Variants in EFR3A observed in about 807,000 individuals in gnomAD.
The protein encoded by EFR3A is EFR3 homolog A.
In EFR3A, 76 loss-of-function variants were observed where a neutral mutation model predicts 104.4. The ratio of observed to expected loss-of-function variants is 0.73; its 90% CI spans 0.60 to 0.88. EFR3A has a LOEUF of 0.88. Among genes scored for constraint, EFR3A ranks in the 40% least tolerant of loss-of-function variants. The pLI, the probability that EFR3A is intolerant of heterozygous loss-of-function variation, is 0.00. For synonymous variants in EFR3A, 330 were observed against 330.0 expected, an observed-to-expected ratio of 1.00 and a Z score of 0.00; for missense variants, 985 against 1,012.5, an observed-to-expected ratio of 0.97 and a Z score of 0.37.
At chr8:131,930,592 A>G (rs533314446) in intron 1 of EFR3A, among the ~76,000 whole-genome samples, 1 of 152,148 alleles carries the variant, frequency 6.6e-6, no homozygotes, top group African/African-American at 2.4e-5. Flanking sequence ...TTTAAAGACC[A>G]TTTAGTCATG....
At chr8:131,934,799 A>G (rs1312433354) in intron 1 of EFR3A, among the ~76,000 whole-genome samples, 2 of 152,138 alleles carry the variant, frequency 1.3e-5, no homozygotes, top group East Asian at 3.9e-4. Flanking sequence ...TATTACATAT[A>G]TGTGTATATA....
chr8:131,991,486 G>A (rs568635578), intron 18 of EFR3A, among the ~76,000 whole-genome samples: 21 of 152,268 alleles, frequency 1.4e-4, no homozygotes, highest in African/African-American at 5.1e-4. Context: ...GCTGGTTTTG[G>A]AGATAAACCT....
intron 1 of EFR3A, among the ~76,000 whole-genome samples, chr8:131,931,520 A>G (rs568608288): frequency 6.6e-6 from 1 of 152,222 alleles, no homozygotes; most frequent in African/African-American, 2.4e-5. Context: ...AAAGAACTAT[A>G]TATTTTGTTT....
At chr8:131,923,616 T>G (rs775877347) in intron 1 of EFR3A, among the ~76,000 whole-genome samples, 2 of 152,038 alleles carry the variant, frequency 1.3e-5, no homozygotes, top group Non-Finnish European at 2.9e-5. Context: ...TCATCTCATT[T>G]TAGTATAAAG....
intron 18 of EFR3A, among the ~76,000 whole-genome samples, chr8:131,991,388 T>C (rs888709157): frequency 5.3e-5 from 8 of 151,452 alleles, no homozygotes; most frequent in African/African-American, 2.0e-4. Context: ...GAAGTACATA[T>C]TTCAGCTGAA....
chr8:131,976,491 T>A (rs925440421), intron 11 of EFR3A, among the ~76,000 whole-genome samples: 1 of 152,136 alleles, frequency 6.6e-6, no homozygotes, highest in African/African-American at 2.4e-5. Context: ...TCCTAGAATT[T>A]TAGAACTGAA....
rs2130575312 is a variant in EFR3A at position 131,944,735 on chromosome 8, T to C, written c.88-10T>C. 6.4e-7 allele frequency: 1 copy of C among 1,568,200 alleles called. No homozygotes were observed. The highest frequency in any genetic ancestry group is 1.4e-5 in the African/African-American group (1 of 73,022). On this transcript the variant is annotated splice_polypyrimidine_tract_variant and intron_variant, in intron 2 of 22. Transcript: ENST00000254624. ...TATAGATAATCTATTTATCTTGTTA[T>C]TGTTTTTAGGATGGCCTTGTGAAAA...
At chr8:131,988,742 T>A (rs1260699323) in intron 18 of EFR3A, among the ~76,000 whole-genome samples, 1 of 152,132 alleles carries the variant, frequency 6.6e-6, no homozygotes, top group Non-Finnish European at 1.5e-5. Flanking sequence ...AGCACAAAGG[T>A]AAATCCAGTT....
intron 8 of EFR3A, among the ~76,000 whole-genome samples, chr8:131,966,269 G>A (rs1020306131): frequency 3.5e-4 from 53 of 152,142 alleles, no homozygotes; most frequent in Middle Eastern, 3.4e-3. Context: ...CCTTAGACAA[G>A]TTACTAAAAC....
At chr8:131,941,843 G>C (rs1464647701) in intron 2 of EFR3A, among the ~76,000 whole-genome samples, 1 of 151,982 alleles carries the variant, frequency 6.6e-6, no homozygotes, top group Non-Finnish European at 1.5e-5. Flanking sequence ...GAAAAGACAT[G>C]GGAAAGCAAG....
At chr8:131,912,953 G>A (rs867179256) in intron 1 of EFR3A, among the ~76,000 whole-genome samples, 46 of 150,006 alleles carry the variant, frequency 3.1e-4, no homozygotes, top group South Asian at 1.9e-3. Context: ...TTCAGGAATA[G>A]GAATGGAGCT....
At chr8:132,003,142 C>T in intron 21 of EFR3A, 94 bp from the exon 22 acceptor site, 2 of 1,021,242 alleles carry the variant, frequency 2.0e-6, no homozygotes, top group Non-Finnish European at 1.5e-6. Flanking sequence ...GCTTAATAGT[C>T]ACAATTATAC....
At chr8:131,992,366 A>G (rs563006067) in intron 18 of EFR3A, among the ~76,000 whole-genome samples, 14 of 152,290 alleles carry the variant, frequency 9.2e-5, no homozygotes, top group East Asian at 1.9e-4. Context: ...TTGCAAAACA[A>G]TGTGTCCTGT....
At chr8:132,002,558 A>G in intron 20 of EFR3A, 45 bp from the exon 21 acceptor site, 1 of 1,508,680 alleles carries the variant, frequency 6.6e-7, no homozygotes, top group Non-Finnish European at 9.2e-7. Flanking sequence ...GGGTTCTGTG[A>G]AATTATGTAT....
chr8:131,982,026 A>T (rs547872958), intron 14 of EFR3A, among the ~76,000 whole-genome samples: 1 of 152,166 alleles, frequency 6.6e-6, no homozygotes, highest in Non-Finnish European at 1.5e-5. Context: ...TATAAAATAC[A>T]TGGGAATTAT....
At chr8:131,995,051 C>CAG (rs1821404592) in intron 18 of EFR3A, among the ~76,000 whole-genome samples, 1 of 152,038 alleles carries the variant, frequency 6.6e-6, no homozygotes, top group Non-Finnish European at 1.5e-5. Flanking sequence ...TTTTCAGAAT[C>CAG]AGAGACTGAC....
intron 1 of EFR3A, among the ~76,000 whole-genome samples, chr8:131,920,832 A>G (rs141469883): frequency 2.6e-5 from 4 of 152,128 alleles, no homozygotes; most frequent in East Asian, 3.9e-4. Flanking sequence ...CTGATTCTCT[A>G]TTTGTAAAGT....
chr8:131,984,513 T>C (rs1820777824), intron 15 of EFR3A, among the ~76,000 whole-genome samples: 1 of 152,196 alleles, frequency 6.6e-6, no homozygotes, highest in Non-Finnish European at 1.5e-5. Context: ...TTCAAGGCCA[T>C]AGGGATATAG....
intron 1 of EFR3A, among the ~76,000 whole-genome samples, chr8:131,931,903 A>G (rs1563636589): frequency 6.6e-6 from 1 of 152,152 alleles, no homozygotes; most frequent in Admixed American, 6.6e-5. Context: ...ACATGTTCCA[A>G]TACGCAGGAG....
Sources: allele counts gnomAD v4.1 joint callset (sites outside exome capture counted in the v4.1 genomes callset), GRCh38; gene constraint gnomAD v4.1.1; transcripts MANE v1.5; gene names NCBI Gene and HGNC (gene_info 2026-07-23, HGNC 2026-07-21).